Variants in ANKRD28 observed in about 807,000 individuals in gnomAD.
ANKRD28 encodes the protein ankyrin repeat domain 28.
In ANKRD28, 44 loss-of-function variants were observed where a neutral mutation model predicts 126.5. The observed-to-expected ratio is 0.35, with a 90% CI of 0.27 to 0.45. ANKRD28 has a LOEUF of 0.45. Among genes scored for constraint, ANKRD28 ranks in the 20% least tolerant of loss-of-function variants. ANKRD28 has a pLI of 1.00. For synonymous variants in ANKRD28, 442 were observed against 468.5 expected (o/e 0.94, Z 0.73); for missense variants, 1,110 against 1,316.6 (o/e 0.84, Z 2.43).
chr3:15,720,878 A>G, intron 8 of ANKRD28, 37 bp downstream of exon 8: 1 of 1,579,714 alleles, frequency 6.3e-7, no homozygotes, highest in East Asian at 2.2e-5. Flanking sequence ...TAACAGTGAC[A>G]TATGAAATAC....
At chr3:15,798,016 G>A, upstream of ANKRD28, 1 of 985,312 alleles carries the variant, frequency 1.0e-6, no homozygotes, top group Non-Finnish European at 1.2e-6. Context: ...TCTAGCAGGA[G>A]AAAAAAATAG....
At chr3:15,741,452 C>G (rs780425560) in intron 4 of ANKRD28, among the ~76,000 whole-genome samples, 28 of 152,034 alleles carry the variant, frequency 1.8e-4, no homozygotes, top group African/African-American at 5.3e-4. Flanking sequence ...TAACAAAAAA[C>G]ATTATTATAG....
chr3:15,804,204 A>G (rs1383176462), intron 1 of ANKRD28, among the ~76,000 whole-genome samples: 1 of 113,668 alleles, frequency 8.8e-6, no homozygotes, highest in Non-Finnish European at 1.9e-5. Context: ...ATACACGTAA[A>G]AATCTAACCA....
In ANKRD28 at chr3:15,782,649, T is replaced by C. The variant is rs144685898; in HGVS notation, c.201+12574A>G. ...GGAAAAATGCCATACTCACTAAACT[T>C]TGGGACTTTCATAGTTGTCTGTTCT... is the stretch of plus-strand genomic sequence containing the variant. On this transcript the variant is annotated intron_variant, in intron 2 of 27. Coordinates refer to ENST00000683139, the MANE Select transcript of ANKRD28 (RefSeq NM_001349278.2). Among the ~76,000 whole-genome samples the C allele has an allele frequency of 2.0e-3, 306 of 152,168 alleles. 1 individual carries two copies. Among genetic ancestry groups the C allele is most frequent in the African/African-American group, 6.8e-3 (284 of 41,552 alleles).
chr3:15,840,133 T>C (rs2061398905), intron 1 of ANKRD28, among the ~76,000 whole-genome samples: 2 of 152,196 alleles, frequency 1.3e-5, no homozygotes, highest in South Asian at 4.1e-4. Context: ...TATGATCTTA[T>C]ATTTGAAAAA....
At chr3:15,760,321 T>C (rs1029079392) in intron 3 of ANKRD28, among the ~76,000 whole-genome samples, 3 of 152,186 alleles carry the variant, frequency 2.0e-5, no homozygotes, top group African/African-American at 4.8e-5. Context: ...CACCTGCGCA[T>C]GTACTCCTGA....
chr3:15,829,903 A>T (rs960632182), intron 1 of ANKRD28, among the ~76,000 whole-genome samples: 2 of 151,848 alleles, frequency 1.3e-5, no homozygotes, highest in South Asian at 4.2e-4. Flanking sequence ...AATAACCATA[A>T]TGTTAGTTGT....
chr3:15,738,200 T>C (rs568573620), intron 4 of ANKRD28, among the ~76,000 whole-genome samples: 2 of 152,302 alleles, frequency 1.3e-5, no homozygotes, highest in Admixed American at 1.3e-4. Context: ...TGAGTCCTTT[T>C]CTATTTTCCC....
At chr3:15,841,694 A>C (rs1172547036) in intron 1 of ANKRD28, among the ~76,000 whole-genome samples, 1 of 152,246 alleles carries the variant, frequency 6.6e-6, no homozygotes, top group Non-Finnish European at 1.5e-5. Context: ...TCTCGGCATC[A>C]CTGAGCATCA....
intron 1 of ANKRD28, among the ~76,000 whole-genome samples, chr3:15,842,771 T>A (rs947718776): frequency 1.3e-5 from 2 of 152,094 alleles, no homozygotes; most frequent in African/African-American, 4.8e-5. Context: ...AAAAGTTTGG[T>A]TTTTTTGGAA....
chr3:15,808,056 T>C (rs980514442), intron 1 of ANKRD28, among the ~76,000 whole-genome samples: 2 of 152,078 alleles, frequency 1.3e-5, no homozygotes, highest in African/African-American at 4.8e-5. Flanking sequence ...AAAATCTGAG[T>C]TGGACCAATT....
chr3:15,842,336 T>C lies in ANKRD28; in HGVS notation c.27+17041A>G, dbSNP rs142069028. On this transcript the variant is annotated intron_variant, in intron 1 of 27. Transcript: ENST00000399451. Reference sequence around the variant, plus strand: ...AAGTTTGCATGTTCTCACTTATTTGTGGAAGCTAAAAATTAAAACAATTGA... The same window carrying C: ...AAGTTTGCATGTTCTCACTTATTTGCGGAAGCTAAAAATTAAAACAATTGA... Among the ~76,000 whole-genome samples the C allele has an allele frequency of 4.3e-3, 651 of 151,580 alleles. 5 individuals carry two copies. Among genetic ancestry groups the C allele is most frequent in the East Asian group, 0.021 (108 of 5,124 alleles).
chr3:15,826,953 TA>T (rs2061080034), intron 1 of ANKRD28, among the ~76,000 whole-genome samples: 1 of 152,192 alleles, frequency 6.6e-6, no homozygotes, highest in African/African-American at 2.4e-5. Flanking sequence ...CTCCTTTCTT[TA>T]AAATCTCCTA....
Position 15,853,614 on chromosome 3 carries a change from C to T in ANKRD28, c.27+5763G>A, listed in dbSNP as rs560636522. On this transcript the variant is annotated intron_variant, in intron 1 of 27. Transcript: ENST00000399451. This position sits in a 1 kb window ranked among gnomAD's most constrained non-coding sequence, Gnocchi z 4.2. ...CCTCTCGAGTAGCTGGGACTACAGG[C>T]GCCCGCCACCACGCCTGGCTAATTT... 2.0e-5 allele frequency among the ~76,000 whole-genome samples: 3 copies of T among 152,116 alleles called. No individual in the cohort carries two copies. Among genetic ancestry groups the T allele is most frequent in the South Asian group, 2.1e-4 (1 of 4,806 alleles).
chr3:15,703,656 G>A (rs2070940441), intron 14 of ANKRD28, among the ~76,000 whole-genome samples: 1 of 152,178 alleles, frequency 6.6e-6, no homozygotes, highest in Non-Finnish European at 1.5e-5. Context: ...AAGCCACCCA[G>A]TTTTTGGTAT....
At chr3:15,732,980 C>T (rs1220448056) in intron 6 of ANKRD28, 1 of 152,210 alleles carries the variant, frequency 6.6e-6, no homozygotes, top group Non-Finnish European at 1.5e-5. Context: ...GCCTGGACAA[C>T]ATGGTGAAAC....
rs116680698 is a variant in ANKRD28, at chr3:15,744,115, G to A, written c.352-6882C>T. 1.5e-3 allele frequency among the ~76,000 whole-genome samples: 236 copies of A among 152,282 alleles called. 1 individual carries two copies. The highest frequency in any genetic ancestry group is 5.6e-3 in the African/African-American group (232 of 41,554). On this transcript the variant is annotated intron_variant, in intron 4 of 27. Coordinates refer to ENST00000683139, the MANE Select transcript of ANKRD28 (RefSeq NM_001349278.2). ...TCAGGACTTAATGAAAATAAGTAAC[G>A]ATGGTGTAAGTGATACTCTTGACAC...
At chr3:15,678,157 C>T (rs1255698165) in intron 24 of ANKRD28, 52 bp downstream of exon 24, 3 of 1,517,624 alleles carry the variant, frequency 2.0e-6, no homozygotes, top group South Asian at 1.2e-5. Context: ...CTAAGTTATA[C>T]ATAAGTGATA....
chr3:15,829,895 T>C (rs2061152955), intron 1 of ANKRD28, among the ~76,000 whole-genome samples: 1 of 151,228 alleles, frequency 6.6e-6, no homozygotes, highest in South Asian at 2.1e-4. Context: ...CAAATCTGAA[T>C]AACCATAATG....
Sources: allele counts gnomAD v4.1 joint callset (sites outside exome capture counted in the v4.1 genomes callset), GRCh38; gene constraint gnomAD v4.1.1; non-coding constraint Gnocchi (gnomAD v3.1); transcripts MANE v1.5; gene names NCBI Gene and HGNC (gene_info 2026-07-23, HGNC 2026-07-21).